The following PDS5B variants were observed in gnomAD, a reference collection of about 807,000 sequenced individuals.
The protein encoded by PDS5B is sister chromatid cohesion protein PDS5 homolog B.
In PDS5B, 51 loss-of-function variants were observed where a neutral mutation model predicts 184.1. The ratio of observed to expected loss-of-function variants is 0.28; its 90% confidence interval spans 0.22 to 0.35. PDS5B has a LOEUF of 0.35. Ranked by LOEUF, PDS5B falls within the 10% of genes least tolerant of loss-of-function variation. The pLI is 1.00. For missense variants in PDS5B, 1,180 were observed against 1,723.3 expected, an observed-to-expected ratio of 0.68 and a Z score of 5.58; for synonymous variants, 566 against 569.2, an observed-to-expected ratio of 0.99 and a Z score of 0.08.
chr13:32,724,667 G>A (rs1022239662), intron 19 of PDS5B, among the ~76,000 whole-genome samples: 1 of 151,906 alleles, frequency 6.6e-6, no homozygotes, highest in African/African-American at 2.4e-5. Context: ...CTGCAGCCTC[G>A]ACCTCCTGGT....
intron 19 of PDS5B, among the ~76,000 whole-genome samples, chr13:32,717,657 C>T (rs1461558121): frequency 7.1e-6 from 1 of 140,514 alleles, no homozygotes; most frequent in Non-Finnish European, 1.5e-5. Context: ...GCCAAATCCC[C>T]CTCTGCGAGA....
intron 3 of PDS5B, among the ~76,000 whole-genome samples, chr13:32,652,757 TAA>T (rs202075341): frequency 0.39 from 55,662 of 141,020 alleles, 10,876 homozygotes; most frequent in Non-Finnish European, 0.45. Context: ...CCATCTCTAT[TAA>T]AAAAAAAAAA....
intron 19 of PDS5B, among the ~76,000 whole-genome samples, chr13:32,725,880 A>T (rs1467487211): frequency 6.6e-6 from 1 of 152,102 alleles, no homozygotes; most frequent in Admixed American, 6.5e-5. Context: ...TTTATTTAGC[A>T]TGTATCATAT....
At chr13:32,732,309 G>A (rs1953150751) in intron 20 of PDS5B, 85 bp downstream of exon 20, 1 of 870,638 alleles carries the variant, frequency 1.1e-6, no homozygotes, top group Non-Finnish European at 1.8e-6. Context: ...GTTCACATTT[G>A]GTGATGCATC....
At chr13:32,677,820 A>G (rs532820980) in intron 9 of PDS5B, among the ~76,000 whole-genome samples, 1 of 152,254 alleles carries the variant, frequency 6.6e-6, no homozygotes, top group East Asian at 1.9e-4. Context: ...ATTAAGACAT[A>G]TGAAAATATT....
At chr13:32,656,273 C>CTTTTTTTTTTTTT (rs71071057) in intron 3 of PDS5B, among the ~76,000 whole-genome samples, 11 of 96,784 alleles carry the variant, frequency 1.1e-4, no homozygotes, top group African/African-American at 2.0e-4. Flanking sequence ...TCTCCAGCTT[C>CTTTTTTTTTTTTT]TTTTTTTTTT....
intron 3 of PDS5B, among the ~76,000 whole-genome samples, chr13:32,657,093 C>T (rs1950533686): frequency 6.6e-6 from 1 of 152,192 alleles, no homozygotes; most frequent in African/African-American, 2.4e-5. Flanking sequence ...CTGTTAGGCC[C>T]ATTTGGTCAA....
rs1177251327 is a variant in PDS5B at position 32,655,359 on chromosome 13, C to CATATATATATATAT, written c.313-2877_313-2864dup. Among the ~76,000 whole-genome samples, 75 of 39,596 alleles carry CATATATATATATAT rather than the reference C, an allele frequency of 1.9e-3. 5 individuals are homozygous for CATATATATATATAT. The highest frequency in any genetic ancestry group is 8.3e-3 in the African/African-American group (55 of 6,618). The allele number at this position is 39,596 out of a possible 152,430, so 26.0% of individuals were successfully genotyped here. A position where few individuals can be genotyped will look rare whatever the true frequency, so the allele number is the denominator to read the frequency against. ...AAAAGTATCTCTTCATGTTCTTTGC[C>CATATATATATATAT]ATATATATATATATATTTTTTTTTT... On this transcript the variant is annotated intron_variant, in intron 3 of 34. Coordinates refer to ENST00000315596, the MANE Select transcript of PDS5B (RefSeq NM_015032.4).
chr13:32,732,353 A>G, intron 20 of PDS5B, 129 bp downstream of exon 20: 1 of 656,244 alleles, frequency 1.5e-6, no homozygotes, highest in Non-Finnish European at 2.7e-6. Flanking sequence ...TTGAATCAGT[A>G]AAATCAACAT....
Position 32,716,132 on chromosome 13 carries a change from C to T in PDS5B, c.2123+6026C>T, listed in dbSNP as rs1371853310. On this transcript the variant is annotated intron_variant, in intron 19 of 34. Transcript: ENST00000315596. ...CTGCCTGGCCGCCCATCGTCTGGGACGTGAGGAGCCCCTCTGCCTGGCTGC... is the reference window on the plus strand; with the variant it reads ...CTGCCTGGCCGCCCATCGTCTGGGATGTGAGGAGCCCCTCTGCCTGGCTGC... Among the ~76,000 whole-genome samples the T allele has an allele frequency of 2.0e-3, 302 of 150,214 alleles. 3 individuals carry two copies. Among genetic ancestry groups the T allele is most frequent in the Non-Finnish European group, 3.4e-3 (231 of 67,516 alleles).
intron 11 of PDS5B, among the ~76,000 whole-genome samples, chr13:32,685,853 T>C (rs1951372143): frequency 1.3e-5 from 2 of 152,224 alleles, no homozygotes; most frequent in South Asian, 4.2e-4. Context: ...TTGCCTAGGC[T>C]GGTCTCGAAT....
Position 32,746,097 on chromosome 13 carries a change from C to A in PDS5B, c.2733C>A (p.Ile911=). ...LEQYQLCALA[I]NDECYQVRQV... ...AATATCAGCTATGTGCATTAGCTATCAACGTAAGGAAATGGCTGTGTACAA... is the reference window on the plus strand; with the variant it reads ...AATATCAGCTATGTGCATTAGCTATAAACGTAAGGAAATGGCTGTGTACAA... Residue 911 remains isoleucine (I), a synonymous_variant, in exon 24 of 35, where the codon ATC becomes ATA. Coordinates refer to ENST00000315596, the MANE Select transcript of PDS5B (RefSeq NM_015032.4). 3 of 1,611,680 alleles carry A rather than the reference C, an allele frequency of 1.9e-6. No homozygotes were observed. The highest frequency in any genetic ancestry group is 2.5e-6 in the Non-Finnish European group (3 of 1,178,738).
intron 1 of PDS5B, among the ~76,000 whole-genome samples, chr13:32,587,961 GTAAA>G (rs1369718604): frequency 6.6e-6 from 1 of 152,186 alleles, no homozygotes; most frequent in Non-Finnish European, 1.5e-5. Flanking sequence ...GAGGCGAGCT[GTAAA>G]TAAATCGTAA....
chr13:32,639,752 G>A (rs1566272660), intron 1 of PDS5B, among the ~76,000 whole-genome samples: 1 of 152,222 alleles, frequency 6.6e-6, no homozygotes, highest in Non-Finnish European at 1.5e-5. Flanking sequence ...ACTGCCTTCT[G>A]TAGTTATATC....
intron 21 of PDS5B, among the ~76,000 whole-genome samples, chr13:32,740,149 T>A (rs1312946606): frequency 6.6e-6 from 1 of 152,190 alleles, no homozygotes; most frequent in Non-Finnish European, 1.5e-5. Flanking sequence ...TTTTTGGATA[T>A]TAGAATTCTG....
At chr13:32,635,412 T>C (rs2058532835) in intron 1 of PDS5B, among the ~76,000 whole-genome samples, 1 of 147,506 alleles carries the variant, frequency 6.8e-6, no homozygotes, top group Non-Finnish European at 1.5e-5. Flanking sequence ...GGCATGATCT[T>C]GGCTCACTAC....
chr13:32,712,137 G>GTT (rs1460732229), intron 19 of PDS5B, among the ~76,000 whole-genome samples: 2 of 152,092 alleles, frequency 1.3e-5, no homozygotes, highest in African/African-American at 4.8e-5. Context: ...ATTCTAGATT[G>GTT]TTTTTCCCTA....
At chr13:32,765,165 A>G (rs1183330992) in intron 31 of PDS5B, among the ~76,000 whole-genome samples, 2 of 152,232 alleles carry the variant, frequency 1.3e-5, no homozygotes, top group African/African-American at 2.4e-5. Flanking sequence ...CACAAAATAC[A>G]GTTATGTCTT....
rs1000107622 is a variant in PDS5B, at chr13:32,702,076, A to G, written c.1856+638A>G. Among the ~76,000 whole-genome samples the G allele has an allele frequency of 2.6e-5, 4 of 152,230 alleles. No homozygotes were observed. In the East Asian group the frequency reaches 7.7e-4, roughly 29 times the overall value. Reference sequence around the variant, plus strand: ...AAAAAATAAAGTACTTATACAATATATATAGCGCATACTGACTTACTAGTT... The same window carrying G: ...AAAAAATAAAGTACTTATACAATATGTATAGCGCATACTGACTTACTAGTT... On this transcript the variant is annotated intron_variant, in intron 17 of 34. Transcript: ENST00000315596.
Sources: allele counts gnomAD v4.1 joint callset (sites outside exome capture counted in the v4.1 genomes callset), GRCh38; gene constraint gnomAD v4.1.1; transcripts MANE v1.5; gene names NCBI Gene and HGNC (gene_info 2026-07-23, HGNC 2026-07-21).